The following GDAP1 variants were observed in gnomAD, a reference collection of about 807,000 sequenced individuals.
GDAP1 encodes the protein ganglioside-induced differentiation-associated protein 1.
Under a neutral mutation model 40.1 loss-of-function variants are expected in GDAP1, and 34 were observed. That is an observed-to-expected ratio of 0.85 (90% CI 0.64 to 1.13). The LOEUF is 1.13. Ranked by LOEUF, GDAP1 falls within the 50% of genes most tolerant of loss-of-function variation. GDAP1 has a pLI of 0.00. For synonymous variants in GDAP1, 170 were observed against 157.4 expected, an observed-to-expected ratio of 1.08 and a Z score of -0.60; for missense variants, 374 against 433.7, an observed-to-expected ratio of 0.86 and a Z score of 1.22.
chr8:74,374,304 A>C (rs762425172), intron 2 of GDAP1, among the ~76,000 whole-genome samples: 1 of 152,112 alleles, frequency 6.6e-6, no homozygotes, highest in Non-Finnish European at 1.5e-5. Context: ...CTTGTTTTCT[A>C]TTGATTGGAA....
chr8:74,440,451 G>A (rs1476775929), intron 2 of GDAP1, among the ~76,000 whole-genome samples: 1 of 152,082 alleles, frequency 6.6e-6, no homozygotes, highest in East Asian at 1.9e-4. Context: ...TCCACCGTGA[G>A]TTCCTGATTT....
chr8:74,388,914 A>T (rs10093087), intron 2 of GDAP1, among the ~76,000 whole-genome samples: 2 of 151,886 alleles, frequency 1.3e-5, no homozygotes, highest in Non-Finnish European at 2.9e-5. Flanking sequence ...TGTTGCATTG[A>T]TCCCTTTACC....
intron 2 of GDAP1, among the ~76,000 whole-genome samples, chr8:74,417,339 A>G (rs1321802825): frequency 1.3e-5 from 2 of 150,182 alleles, no homozygotes; most frequent in Non-Finnish European, 2.9e-5. Context: ...GATTAGGAAT[A>G]AGTCAACAAA....
At chr8:74,351,882 A>G (rs528407584) in intron 2 of GDAP1, among the ~76,000 whole-genome samples, 196 of 152,324 alleles carry the variant, frequency 1.3e-3, no homozygotes, top group African/African-American at 4.6e-3. Flanking sequence ...AGGAGAATAG[A>G]ATGTTAGTAT....
intron 2 of GDAP1, among the ~76,000 whole-genome samples, chr8:74,458,957 C>T (rs10092102): frequency 0.012 from 1,792 of 152,228 alleles, 22 homozygotes; most frequent in African/African-American, 0.041. Context: ...ATTTCAATTT[C>T]AGATTTTTGG....
rs186719538 is a variant in GDAP1, at chr8:74,389,851, T to C, written c.165+38530T>C. On this transcript the variant is annotated intron_variant, in intron 2 of 2. Coordinates refer to the GDAP1 transcript ENST00000523640. ...TTTCATCTTTTCACATAGTCCCATATTTCTTGTAGTCTTTGTTCATTCCTT... is the reference window on the plus strand; with the variant it reads ...TTTCATCTTTTCACATAGTCCCATACTTCTTGTAGTCTTTGTTCATTCCTT... Among the ~76,000 whole-genome samples, 4 of 152,362 alleles carry C rather than the reference T, an allele frequency of 2.6e-5. No homozygotes were observed. The East Asian group carries it at 7.7e-4, about 29-fold the overall frequency.
At chr8:74,375,214 C>A (rs1278689974) in intron 2 of GDAP1, among the ~76,000 whole-genome samples, 1 of 151,986 alleles carries the variant, frequency 6.6e-6, no homozygotes, top group Non-Finnish European at 1.5e-5. Flanking sequence ...GTAATCCGAG[C>A]TACTTGGGAA....
chr8:74,474,558 T>C (rs1019115213), intron 2 of GDAP1, among the ~76,000 whole-genome samples: 6 of 152,136 alleles, frequency 3.9e-5, no homozygotes, highest in African/African-American at 1.4e-4. Flanking sequence ...AATCATGTGG[T>C]TTTTGTTGTT....
chr8:74,371,924 C>A (rs1488172900), intron 2 of GDAP1, among the ~76,000 whole-genome samples: 2 of 149,074 alleles, frequency 1.3e-5, no homozygotes, highest in African/African-American at 2.5e-5. Context: ...CCCTCCCCCC[C>A]CACCCCATGA....
chr8:74,409,745 T>C (rs1403987209), intron 2 of GDAP1, among the ~76,000 whole-genome samples: 1 of 150,042 alleles, frequency 6.7e-6, no homozygotes, highest in African/African-American at 2.5e-5. Context: ...GACAATGAGA[T>C]GCCAGATCCC....
At chr8:74,486,472 A>C (rs114522378) in intron 2 of GDAP1, among the ~76,000 whole-genome samples, 1 of 152,178 alleles carries the variant, frequency 6.6e-6, no homozygotes, top group Non-Finnish European at 1.5e-5. Context: ...TGCTTTGCAT[A>C]ATGCACTTCA....
intron 2 of GDAP1, among the ~76,000 whole-genome samples, chr8:74,448,144 C>T (rs1447920906): frequency 6.6e-6 from 1 of 152,156 alleles, no homozygotes; most frequent in Non-Finnish European, 1.5e-5. Context: ...CATTCCTTCA[C>T]CTTAGAAATT....
chr8:74,474,191 G>T (rs1430052326), intron 2 of GDAP1, among the ~76,000 whole-genome samples: 3 of 152,122 alleles, frequency 2.0e-5, no homozygotes, highest in Non-Finnish European at 1.5e-5. Context: ...GGAGCTTTTG[G>T]TCTGAGACTG....
At chr8:74,351,614 A>G in intron 2 of GDAP1, 148 bp downstream of exon 2, 1 of 748,934 alleles carries the variant, frequency 1.3e-6, no homozygotes, top group Non-Finnish European at 2.4e-6. Context: ...CCATAAGCAC[A>G]CAAATATCAA....
At chr8:74,421,165 C>T (rs1805853388) in intron 2 of GDAP1, among the ~76,000 whole-genome samples, 1 of 152,158 alleles carries the variant, frequency 6.6e-6, no homozygotes, top group African/African-American at 2.4e-5. Flanking sequence ...GAAACATTGA[C>T]CAAGCTTCTG....
chr8:74,448,119 A>G (rs867846235), intron 2 of GDAP1, among the ~76,000 whole-genome samples: 11 of 152,266 alleles, frequency 7.2e-5, no homozygotes, highest in Non-Finnish European at 1.3e-4. Flanking sequence ...CTTTAGTGCA[A>G]TGTGCAGATA....
At chr8:74,437,066 C>T (rs1219013117) in intron 2 of GDAP1, among the ~76,000 whole-genome samples, 2 of 152,300 alleles carry the variant, frequency 1.3e-5, no homozygotes, top group East Asian at 1.9e-4. Flanking sequence ...ATAATGGCTA[C>T]AAACACAGAG....
intron 2 of GDAP1, among the ~76,000 whole-genome samples, chr8:74,375,935 G>T (rs1174041038): frequency 6.6e-6 from 1 of 152,146 alleles, no homozygotes; most frequent in Non-Finnish European, 1.5e-5. Context: ...CAGAATGCAA[G>T]ATCACCATAT....
At chr8:74,483,703 A>G (rs970944057) in intron 2 of GDAP1, among the ~76,000 whole-genome samples, 2 of 152,168 alleles carry the variant, frequency 1.3e-5, no homozygotes, top group South Asian at 4.1e-4. Flanking sequence ...TTGAAATGGT[A>G]TTATATATTG....
Sources: allele counts gnomAD v4.1 joint callset (sites outside exome capture counted in the v4.1 genomes callset), GRCh38; gene constraint gnomAD v4.1.1; transcripts MANE v1.5; gene names NCBI Gene and HGNC (gene_info 2026-07-23, HGNC 2026-07-21).